SCN10A: variants seen among roughly 807,000 people sequenced by gnomAD.
SCN10A encodes sodium channel protein type 10 subunit alpha.
A neutral mutation model predicts 170.7 loss-of-function variants in SCN10A; 162 were observed. The ratio of observed to expected loss-of-function variants is 0.95; its 90% confidence interval spans 0.84 to 1.08. The LOEUF is 1.08. Among genes scored for constraint, SCN10A ranks in the 50% least tolerant of loss-of-function variants. SCN10A has a pLI of 0.00. For synonymous variants in SCN10A, 985 were observed against 904.6 expected (o/e 1.09, Z -1.59); for missense variants, 2,527 against 2,436.9 (o/e 1.04, Z -0.78).
At position 38,723,494 on chromosome 3, in the gene SCN10A, TTCCTCAGGATC is replaced by T; in HGVS notation, c.3277_3287del (p.Asp1093AsnfsTer7). 1 of 1,613,682 alleles carries T rather than the reference TTCCTCAGGATC, an allele frequency of 6.2e-7. No homozygotes were observed. The highest frequency in any genetic ancestry group is 8.5e-7 in the Non-Finnish European group (1 of 1,179,684). ...CCAGCTCAGGGATCTTCCTCAGGAT[TTCCTCAGGATC>T]TAGGCAGTCCACCGTGCTGCCCTCA... On this transcript the variant is annotated frameshift_variant, in exon 19 of 28. Coordinates refer to ENST00000449082, the MANE Select transcript of SCN10A (RefSeq NM_006514.4). LOFTEE classifies it high-confidence loss of function.
At chr3:38,721,841 T>C (rs908759141) in intron 20 of SCN10A, among the ~76,000 whole-genome samples, 1 of 152,206 alleles carries the variant, frequency 6.6e-6, no homozygotes, top group African/African-American at 2.4e-5. Context: ...CCTTTTTGTA[T>C]TGTAGGCCTT....
intron 11 of SCN10A, among the ~76,000 whole-genome samples, chr3:38,754,383 T>C (rs954765948): frequency 6.6e-6 from 1 of 152,236 alleles, no homozygotes; most frequent in Non-Finnish European, 1.5e-5. Context: ...GAAAAGAACA[T>C]GTTCTAGTCA....
intron 15 of SCN10A, among the ~76,000 whole-genome samples, chr3:38,736,819 T>C (rs909896429): frequency 2.7e-5 from 4 of 150,056 alleles, no homozygotes. Context: ...AGCATTCCCC[T>C]GCAGAATCCT....
At chr3:38,800,870 T>A (rs748309447) in intron 1 of SCN10A, among the ~76,000 whole-genome samples, 2 of 152,174 alleles carry the variant, frequency 1.3e-5, no homozygotes, top group Non-Finnish European at 2.9e-5. Flanking sequence ...AGTAGCACCT[T>A]GACTTGAATT....
At chr3:38,744,795 A>G (rs999845811) in intron 13 of SCN10A, among the ~76,000 whole-genome samples, 10 of 152,182 alleles carry the variant, frequency 6.6e-5, no homozygotes, top group African/African-American at 2.4e-4. Flanking sequence ...AAGATTTGAA[A>G]TGTCATTTTT....
chr3:38,812,551 C>A (rs1419845351), intron 1 of SCN10A, among the ~76,000 whole-genome samples: 2 of 152,078 alleles, frequency 1.3e-5, no homozygotes, highest in Non-Finnish European at 2.9e-5. Context: ...TGTGTAACTA[C>A]CCCCAAGACA....
intron 11 of SCN10A, among the ~76,000 whole-genome samples, chr3:38,755,042 G>A (rs79267898): frequency 0.018 from 2,700 of 152,062 alleles, 42 homozygotes; most frequent in Non-Finnish European, 0.026. Context: ...TTTAGAGTGG[G>A]AGGCAGAAAG....
rs770795008 is a variant in SCN10A, at chr3:38,714,066, A to T, written c.3696T>A (p.Ser1232Arg). 1.4e-5 allele frequency: 23 copies of T among 1,614,150 alleles called. No homozygotes were observed. The South Asian group carries it at 2.5e-4, about 18-fold the overall frequency. The change falls in exon 22 of 28, where the codon AGT (serine) becomes AGA (arginine). Residue 1232 changes from serine to arginine, a missense_variant. Transcript: ENST00000449082. The stretch of plus-strand genomic sequence containing the variant: ...AATATTCCAGAATCTTCGCTGTGAG[A>T]CTTATCAGTGAGATCTGAGTGCAGG... Reference protein sequence around the residue: ...DFLIVNISLISLTAKILEYSE... With the variant: ...DFLIVNISLIRLTAKILEYSE...
Position 38,701,946 on chromosome 3 carries a change from G to A in SCN10A, c.4550C>T (p.Ala1517Val). Residue 1517 changes from alanine to valine, a missense_variant, in exon 27 of 28, where the codon GCC (alanine) becomes GTC (valine). Physicochemically the swap from Ala to Val is moderately conservative, Grantham distance 64. Coordinates refer to ENST00000449082, the MANE Select transcript of SCN10A (RefSeq NM_006514.4). ...ILGKINQFFV[A>V]VFTGECVMKM... The stretch of plus-strand genomic sequence containing the variant: ...CATGACACATTCGCCTGTGAAGACG[G>A]CCACAAAGAACTGGTTGATTTTGCC... 6.2e-7 allele frequency: 1 copy of A among 1,614,104 alleles called. No homozygotes were observed. Among genetic ancestry groups the A allele is most frequent in the Non-Finnish European group, 8.5e-7 (1 of 1,180,014 alleles).
At chr3:38,728,399 A>T in intron 16 of SCN10A, 143 bp downstream of exon 16, 1 of 840,108 alleles carries the variant, frequency 1.2e-6, no homozygotes, top group Non-Finnish European at 1.7e-6. Flanking sequence ...AATGAATCCC[A>T]CATGAATTTG....
intron 15 of SCN10A, among the ~76,000 whole-genome samples, chr3:38,739,070 C>T (rs2063601007): frequency 6.6e-6 from 1 of 152,090 alleles, no homozygotes. Flanking sequence ...ACTTTCGGGT[C>T]ATCATGGAAC....
chr3:38,775,472 T>C (rs888951581), intron 4 of SCN10A, among the ~76,000 whole-genome samples: 2 of 152,220 alleles, frequency 1.3e-5, no homozygotes, highest in South Asian at 2.1e-4. Flanking sequence ...TATCCATTCA[T>C]CTGTTGATGG....
At position 38,750,073 on chromosome 3, in the gene SCN10A, C is replaced by T. The variant is rs756924729; in HGVS notation, c.1867G>A (p.Glu623Lys). ...GAACAATGCAGTGAGCAGCACTTACCCTCAAGGACGGAGGTTATGATACTG... is the reference window on the plus strand; with the variant it reads ...GAACAATGCAGTGAGCAGCACTTACTCTCAAGGACGGAGGTTATGATACTG... ...VVSIITSVLEELEESEQKCPP... is the reference protein window; with the variant it reads ...VVSIITSVLEKLEESEQKCPP... The change falls in exon 13 of 28, where the codon GAA becomes AAA. Residue 623 changes from glutamate to lysine, a missense_variant and splice_region_variant. By Grantham distance (56) the Glu-to-Lys change is moderately conservative (BLOSUM62 1). Coordinates refer to ENST00000449082, the MANE Select transcript of SCN10A (RefSeq NM_006514.4). 6.4e-7 allele frequency: 1 copy of T among 1,570,134 alleles called. No individual in the cohort carries two copies. The highest frequency in any genetic ancestry group is 1.1e-5 in the South Asian group (1 of 89,684).
At chr3:38,779,853 T>C (rs2064118541) in intron 4 of SCN10A, among the ~76,000 whole-genome samples, 2 of 151,990 alleles carry the variant, frequency 1.3e-5, no homozygotes, top group Non-Finnish European at 2.9e-5. Context: ...TTTAACTCTA[T>C]TTCATTATGA....
chr3:38,768,608 G>A (rs1392319524), intron 5 of SCN10A, among the ~76,000 whole-genome samples: 1 of 152,180 alleles, frequency 6.6e-6, no homozygotes, highest in African/African-American at 2.4e-5. Context: ...TGAGAAATCT[G>A]CTGTTAATCT....
intron 5 of SCN10A, among the ~76,000 whole-genome samples, chr3:38,771,030 T>C (rs552652367): frequency 7.9e-5 from 12 of 152,316 alleles, no homozygotes; most frequent in African/African-American, 2.9e-4. Context: ...TTTCCCCCCC[T>C]CACACTTTGG....
chr3:38,763,652 G>A, intron 5 of SCN10A, 56 bp from the exon 6 acceptor site: 1 of 1,299,468 alleles, frequency 7.7e-7, no homozygotes, highest in Non-Finnish European at 1.1e-6. Flanking sequence ...GGGGATGCAT[G>A]CAGCATAAAT....
At chr3:38,744,446 TTTATTTG>T (rs1191127778) in intron 13 of SCN10A, among the ~76,000 whole-genome samples, 4 of 109,118 alleles carry the variant, frequency 3.7e-5, no homozygotes, top group African/African-American at 2.0e-4. Flanking sequence ...CAGTAGTATT[TTTATTTG>T]TTTTCTTTTT....
intron 1 of SCN10A, among the ~76,000 whole-genome samples, chr3:38,812,781 C>T (rs939913575): frequency 6.6e-6 from 1 of 152,124 alleles, no homozygotes; most frequent in Non-Finnish European, 1.5e-5. Context: ...CACCTGTAAT[C>T]CCATCATTTT....
Sources: gnomAD v4.1 joint callset for allele counts (sites outside exome capture counted in the v4.1 genomes callset) on GRCh38, gnomAD v4.1.1 for gene constraint, MANE v1.5 for transcripts, NCBI Gene and HGNC (gene_info 2026-07-23, HGNC 2026-07-21) for gene names.